The following ADAMTS2 variants were observed in gnomAD, a reference collection of about 807,000 sequenced individuals.
ADAMTS2 encodes ADAM metallopeptidase with thrombospondin type 1 motif 2, also known as A disintegrin and metalloproteinase with thrombospondin motifs 2.
Under a neutral mutation model 123.0 loss-of-function variants are expected in ADAMTS2, and 50 were observed. The observed-to-expected ratio is 0.41, with a 90% CI of 0.32 to 0.51. The LOEUF (loss-of-function observed/expected upper bound fraction) is 0.51. Ranked by LOEUF, ADAMTS2 falls within the 20% of genes least tolerant of loss-of-function variation. ADAMTS2 has a pLI of 0.35. For missense variants in ADAMTS2, 1,494 were observed against 1,705.2 expected, an observed-to-expected ratio of 0.88 and a Z score of 2.18; for synonymous variants, 678 against 695.4, an observed-to-expected ratio of 0.98 and a Z score of 0.39.
chr5:179,179,037 C>T (rs764690711), intron 5 of ADAMTS2, among the ~76,000 whole-genome samples: 4 of 152,128 alleles, frequency 2.6e-5, no homozygotes, highest in Admixed American at 6.5e-5. Flanking sequence ...CTCTGCCTCC[C>T]GGGTTCAAGC....
At chr5:179,125,799 T>C (rs1478392882) in intron 18 of ADAMTS2, among the ~76,000 whole-genome samples, 199 bp downstream of exon 18, 4 of 152,260 alleles carry the variant, frequency 2.6e-5, no homozygotes, top group Non-Finnish European at 5.9e-5. Context: ...ATCTCTAAGA[T>C]GCTGTTCAGT....
At chr5:179,176,736 C>T (rs1424979700) in intron 5 of ADAMTS2, among the ~76,000 whole-genome samples, 1 of 152,242 alleles carries the variant, frequency 6.6e-6, no homozygotes, top group African/African-American at 2.4e-5. Context: ...GGGATCGTGT[C>T]ACTGCTTAAA....
intron 4 of ADAMTS2, among the ~76,000 whole-genome samples, chr5:179,201,468 C>T (rs550481911): frequency 1.7e-4 from 26 of 152,064 alleles, no homozygotes; most frequent in African/African-American, 6.3e-4. Flanking sequence ...CACATACCTA[C>T]AGGAATTTAT....
intron 2 of ADAMTS2, among the ~76,000 whole-genome samples, chr5:179,338,197 A>G (rs967543952): frequency 6.6e-6 from 1 of 152,148 alleles, no homozygotes; most frequent in Non-Finnish European, 1.5e-5. Flanking sequence ...GCCGGCCTTC[A>G]TGAGGGGCTG....
intron 11 of ADAMTS2, 113 bp downstream of exon 11, chr5:179,139,777 C>T: frequency 2.6e-6 from 4 of 1,524,610 alleles, no homozygotes; most frequent in Non-Finnish European, 3.6e-6. Flanking sequence ...CCCTGCACCT[C>T]TCCAGAACTG....
At chr5:179,156,152 C>A (rs1038568122) in intron 6 of ADAMTS2, among the ~76,000 whole-genome samples, 9 of 152,076 alleles carry the variant, frequency 5.9e-5, no homozygotes, top group Non-Finnish European at 1.3e-4. Context: ...ATTACAGGAG[C>A]CTGCGAGATC....
intron 10 of ADAMTS2, among the ~76,000 whole-genome samples, chr5:179,143,006 C>CA (rs1220945369): frequency 6.6e-6 from 1 of 151,918 alleles, no homozygotes; most frequent in Non-Finnish European, 1.5e-5. Context: ...ACTCAGCAGA[C>CA]AAAGATTTCA....
chr5:179,158,231 C>G lies in ADAMTS2; in HGVS notation c.1132+492G>C, dbSNP rs1433919334. ...CTACCTGCCTCCGACTCCCAAAGTGCTGGGATTACAGGTGTGAACCACCGC... is the reference window on the plus strand; with the variant it reads ...CTACCTGCCTCCGACTCCCAAAGTGGTGGGATTACAGGTGTGAACCACCGC... On this transcript the variant is annotated intron_variant, in intron 6 of 21. Coordinates refer to ENST00000251582, the MANE Select transcript of ADAMTS2 (RefSeq NM_014244.5). The surrounding 1 kb of genome is among the most constrained non-coding windows in gnomAD (Gnocchi z 5.0). Among the ~76,000 whole-genome samples, 1 of 152,178 alleles carries G rather than the reference C, an allele frequency of 6.6e-6. No homozygotes were observed. The highest frequency in any genetic ancestry group is 2.4e-5 in the African/African-American group (1 of 41,448).
intron 3 of ADAMTS2, among the ~76,000 whole-genome samples, chr5:179,218,807 C>T (rs1707229290): frequency 6.6e-6 from 1 of 152,188 alleles, no homozygotes; most frequent in Admixed American, 6.5e-5. Context: ...AGCCATGCTT[C>T]AGGGAGAAAA....
In ADAMTS2 at chr5:179,115,276, T is replaced by C. The variant is rs1237854279; in HGVS notation, c.3179-952A>G. Among the ~76,000 whole-genome samples, 1 of 152,160 alleles carries C rather than the reference T, an allele frequency of 6.6e-6. No homozygotes were observed. Among genetic ancestry groups the C allele is most frequent in the African/African-American group, 2.4e-5 (1 of 41,448 alleles). On this transcript the variant is annotated intron_variant, in intron 21 of 21. Coordinates refer to ENST00000251582, the MANE Select transcript of ADAMTS2 (RefSeq NM_014244.5). This position sits in a 1 kb window ranked among gnomAD's most constrained non-coding sequence, Gnocchi z 4.4. ...TTCAACCCATCAACTCTTCTTGCGC[T>C]CACACTCTCTTTACTCTCTGTCTCC...
chr5:179,321,493 T>C (rs1422660384), intron 2 of ADAMTS2, among the ~76,000 whole-genome samples: 4 of 151,600 alleles, frequency 2.6e-5, no homozygotes, highest in Non-Finnish European at 5.9e-5. Context: ...CTGAACCCCC[T>C]CCTCTTGAAC....
At position 179,307,516 on chromosome 5, in the gene ADAMTS2, G is replaced by A. The variant is rs771870843; in HGVS notation, c.535-34452C>T. ...CGTATGCCAGGCTGGGAGCCCGGGC[G>A]TCCCAAGCCTGTGACCTCATTCTCT... On this transcript the variant is annotated intron_variant, in intron 2 of 21. Coordinates refer to ENST00000251582, the MANE Select transcript of ADAMTS2 (RefSeq NM_014244.5). This position sits in a 1 kb window ranked among gnomAD's most constrained non-coding sequence, Gnocchi z 5.6. Among the ~76,000 whole-genome samples, 30 of 152,094 alleles carry A rather than the reference G, an allele frequency of 2.0e-4. No individual in the cohort carries two copies. Among genetic ancestry groups the A allele is most frequent in the Non-Finnish European group, 2.6e-4 (18 of 68,004 alleles).
intron 3 of ADAMTS2, among the ~76,000 whole-genome samples, chr5:179,238,263 G>A (rs1765577223): frequency 6.6e-6 from 1 of 152,226 alleles, no homozygotes; most frequent in Non-Finnish European, 1.5e-5. Flanking sequence ...CTGAGTCCCG[G>A]TTTTCACCTG....
intron 3 of ADAMTS2, among the ~76,000 whole-genome samples, chr5:179,221,348 G>A (rs1765121145): frequency 6.6e-6 from 1 of 152,150 alleles, no homozygotes; most frequent in African/African-American, 2.4e-5. Context: ...GGTGGTGATT[G>A]CACCTGGTCC....
chr5:179,232,047 CT>C (rs1765422950), intron 3 of ADAMTS2, among the ~76,000 whole-genome samples: 1 of 152,142 alleles, frequency 6.6e-6, no homozygotes, highest in Non-Finnish European at 1.5e-5. Flanking sequence ...CGCATTCTGT[CT>C]TTTAAAAAGT....
At chr5:179,324,387 T>G (rs1266220443) in intron 2 of ADAMTS2, among the ~76,000 whole-genome samples, 2 of 114,468 alleles carry the variant, frequency 1.7e-5, no homozygotes, top group Non-Finnish European at 3.7e-5. Context: ...ATAGCTTTAT[T>G]TTTCTCTTTT....
chr5:179,129,513 A>T lies in ADAMTS2; in HGVS notation c.2457+419T>A, dbSNP rs1158901107. 6.6e-6 allele frequency among the ~76,000 whole-genome samples: 1 copy of T among 152,204 alleles called. No individual in the cohort carries two copies. The highest frequency in any genetic ancestry group is 1.5e-5 in the Non-Finnish European group (1 of 68,028). On this transcript the variant is annotated intron_variant, in intron 16 of 21. Coordinates refer to ENST00000251582, the MANE Select transcript of ADAMTS2 (RefSeq NM_014244.5). This position sits in a 1 kb window ranked among gnomAD's most constrained non-coding sequence, Gnocchi z 4.1. The stretch of plus-strand genomic sequence containing the variant: ...CCCGTGGTACTTTCCTACAACCAGG[A>T]GATCTGGGGTCCCATCCTGCTTAGA...
In ADAMTS2 at chr5:179,317,754, G is replaced by T. The variant is rs549130425; in HGVS notation, c.534+26013C>A. Among the ~76,000 whole-genome samples the T allele has an allele frequency of 2.0e-5, 3 of 152,210 alleles. No individual in the cohort carries two copies. The highest frequency in any genetic ancestry group is 7.2e-5 in the African/African-American group (3 of 41,452). On this transcript the variant is annotated intron_variant, in intron 2 of 21. Transcript: ENST00000251582. The surrounding 1 kb of genome is among the most constrained non-coding windows in gnomAD (Gnocchi z 4.9). The stretch of plus-strand genomic sequence containing the variant: ...CAGCACGCGTCTAGGGGAGGTTAGC[G>T]TGCCAGCACCAGCTGAGACTCCCTG...
chr5:179,120,873 T>C (rs1038886705), intron 21 of ADAMTS2: 2 of 152,244 alleles, frequency 1.3e-5, no homozygotes, highest in Non-Finnish European at 2.9e-5. Flanking sequence ...GTTCCCCCTC[T>C]GAAGCTGGAG....
Sources: gnomAD v4.1 joint callset for allele counts (sites outside exome capture counted in the v4.1 genomes callset) on GRCh38, gnomAD v4.1.1 for gene constraint, Gnocchi (gnomAD v3.1) non-coding constraint, MANE v1.5 for transcripts, NCBI Gene and HGNC (gene_info 2026-07-23, HGNC 2026-07-21) for gene names.